The following ZNF273 variants were observed in gnomAD, a reference collection of about 807,000 sequenced individuals.
ZNF273 encodes the protein zinc finger protein 273.
A neutral mutation model predicts 14.9 loss-of-function variants in ZNF273; 11 were observed. That is an observed-to-expected ratio of 0.74 (90% confidence interval 0.46 to 1.22). ZNF273 has a LOEUF of 1.22. Ranked by LOEUF, ZNF273 falls within the 50% of genes most tolerant of loss-of-function variation. The pLI is 0.00. For synonymous variants in ZNF273, 199 were observed against 223.9 expected, an observed-to-expected ratio of 0.89 and a Z score of 0.99; for missense variants, 577 against 660.6, an observed-to-expected ratio of 0.87 and a Z score of 1.39.
intron 1 of ZNF273, among the ~76,000 whole-genome samples, chr7:64,909,197 G>A (rs1303822787): frequency 2.0e-5 from 3 of 151,502 alleles, no homozygotes; most frequent in East Asian, 1.9e-4. Flanking sequence ...GATTACAGGC[G>A]TGAGCCACTG....
chr7:64,935,897 A>G (rs1473546473), downstream of ZNF273, among the ~76,000 whole-genome samples: 1 of 152,242 alleles, frequency 6.6e-6, no homozygotes, highest in South Asian at 2.1e-4. Flanking sequence ...TTAATCAAAA[A>G]TTGATAAAAA....
chr7:64,902,065 T>C (rs993083709), upstream of ZNF273, among the ~76,000 whole-genome samples: 9 of 148,562 alleles, frequency 6.1e-5, no homozygotes, highest in African/African-American at 2.2e-4. Context: ...TTTTATATTA[T>C]TATATACAAT....
upstream of ZNF273, among the ~76,000 whole-genome samples, chr7:64,902,774 C>A (rs1252377187): frequency 1.3e-5 from 2 of 152,192 alleles, no homozygotes; most frequent in East Asian, 3.9e-4. Flanking sequence ...CTTCCAGGTC[C>A]TAGGTAGATA....
chr7:64,889,314 A>C (rs2129040570), downstream of ZNF273: 2 of 964,138 alleles, frequency 2.1e-6, no homozygotes, highest in South Asian at 9.6e-5. The surrounding 1 kb of genome is among the most constrained non-coding windows in gnomAD (Gnocchi z 4.2). Context: ...CCGGTGCCTG[A>C]GCCGTACCCA....
chr7:64,905,583 A>G (rs1793053489), intron 1 of ZNF273, among the ~76,000 whole-genome samples: 1 of 151,680 alleles, frequency 6.6e-6, no homozygotes, highest in Non-Finnish European at 1.5e-5. Context: ...TTCTCTTAAC[A>G]TTTGTGAAAG....
downstream of ZNF273, among the ~76,000 whole-genome samples, chr7:64,935,183 CTTTTCTATACCTAAGAG>C (rs1485730908): frequency 1.3e-5 from 2 of 152,236 alleles, no homozygotes; most frequent in Admixed American, 1.3e-4. Flanking sequence ...AAGTCTTAGG[CTTTTCTATACCTAAGAG>C]TATGTCATCT....
Position 64,927,858 on chromosome 7 carries a change from T to C in ZNF273, c.530T>C (p.Ile177Thr), listed in dbSNP as rs1188941365. 1 of 1,613,850 alleles carries C rather than the reference T, an allele frequency of 6.2e-7. No homozygotes were observed. The highest frequency in any genetic ancestry group is 1.3e-5 in the African/African-American group (1 of 74,920). ...NQCLTTTQSK[I>T]FQCDKYVKVL... ...TGTTTGACAACTACCCAGAGCAAAATATTTCAATGTGATAAATATGTTAAA... is the reference window on the plus strand; with the variant it reads ...TGTTTGACAACTACCCAGAGCAAAACATTTCAATGTGATAAATATGTTAAA... The change falls in exon 4 of 4, where the codon ATA becomes ACA. Residue 177 changes from isoleucine to threonine, a missense_variant. This residue lies in a region of ZNF273 where 4 missense variants were observed against 16.6 expected (regional missense o/e 0.24). Coordinates refer to ENST00000476120, the MANE Select transcript of ZNF273 (RefSeq NM_021148.3).
At chr7:64,902,772 TC>T (rs1792811723), upstream of ZNF273, among the ~76,000 whole-genome samples, 2 of 152,110 alleles carry the variant, frequency 1.3e-5, no homozygotes, top group Non-Finnish European at 2.9e-5. Context: ...GGCTTCCAGG[TC>T]CTAGGTAGAT....
chr7:64,901,007 T>TTTATTTA (rs201414657), upstream of ZNF273, among the ~76,000 whole-genome samples: 1 of 78,630 alleles, frequency 1.3e-5, no homozygotes. Flanking sequence ...CCTTTATTTA[T>TTTATTTA]TTTTTTTTTT....
intron 1 of ZNF273, among the ~76,000 whole-genome samples, chr7:64,904,755 A>G (rs377332249): frequency 9.2e-5 from 14 of 152,232 alleles, no homozygotes; most frequent in Non-Finnish European, 1.2e-4. Flanking sequence ...TTCCCAGGAG[A>G]AGAAAGCAAA....
intron 3 of ZNF273, among the ~76,000 whole-genome samples, chr7:64,926,515 T>A (rs1794772549): frequency 6.6e-6 from 1 of 152,164 alleles, no homozygotes; most frequent in Non-Finnish European, 1.5e-5. Flanking sequence ...TGTGTTCCTA[T>A]TTAATTCATT....
intron 1 of ZNF273, among the ~76,000 whole-genome samples, chr7:64,912,930 G>A (rs1484716364): frequency 1.4e-5 from 2 of 146,608 alleles, no homozygotes; most frequent in African/African-American, 2.5e-5. Flanking sequence ...TTGGGTTCAA[G>A]TGATTCTCTT....
chr7:64,912,826 G>GTTTTTTTTTGTTGTTGTTTTTTTTTTT (rs1793639044), intron 1 of ZNF273, among the ~76,000 whole-genome samples: 1 of 36,568 alleles, frequency 2.7e-5, no homozygotes, highest in Non-Finnish European at 5.7e-5. Context: ...ATTCATTTTA[G>GTTTTTTTTTGTTGTTGTTTTTTTTTTT]TTTTTTTTTT....
Position 64,928,254 on chromosome 7 carries a change from A to G in ZNF273, c.926A>G (p.Lys309Arg), listed in dbSNP as rs1452734547. The change falls in exon 4 of 4, where the codon AAG becomes AGG. Residue 309 changes from lysine to arginine, a missense_variant. Around this residue, in one of 3 missense-constraint regions of ZNF273, gnomAD observed 411 missense variants for 440.4 expected, o/e 0.93. Coordinates refer to ENST00000476120, the MANE Select transcript of ZNF273 (RefSeq NM_021148.3). The part of the protein sequence containing the change: ...FSVFSVLTKH[K>R]IIHTGTKPYN... ...GTATTTTCAGTCCTTACTAAACATA[A>G]GATAATTCATACAGGAACAAAACCC... The G allele has an allele frequency of 6.8e-6, 11 of 1,612,942 alleles. No homozygotes were observed. The highest frequency in any genetic ancestry group is 1.3e-5 in the African/African-American group (1 of 74,930).
intron 1 of ZNF273, among the ~76,000 whole-genome samples, chr7:64,905,847 T>A (rs1793081095): frequency 6.6e-6 from 1 of 152,216 alleles, no homozygotes; most frequent in African/African-American, 2.4e-5. Flanking sequence ...AAAGATTTCT[T>A]CACTTTTTTT....
At chr7:64,904,853 G>GT (rs1792979726) in intron 1 of ZNF273, among the ~76,000 whole-genome samples, 1 of 152,100 alleles carries the variant, frequency 6.6e-6, no homozygotes, top group Admixed American at 6.5e-5. Context: ...TTACCAAAAT[G>GT]TTTTTGGGTC....
At chr7:64,921,605 CTTTTTT>C (rs752363426) in intron 3 of ZNF273, among the ~76,000 whole-genome samples, 7 of 57,968 alleles carry the variant, frequency 1.2e-4, no homozygotes, top group Non-Finnish European at 1.6e-4. Context: ...CATGCTAATG[CTTTTTT>C]TTTTTTTTTT....
intron 3 of ZNF273, among the ~76,000 whole-genome samples, chr7:64,895,969 A>C (rs6976546): frequency 0.083 from 12,652 of 152,246 alleles, 670 homozygotes; most frequent in South Asian, 0.18. Flanking sequence ...TTGAACTTTC[A>C]GTATGAAAAA....
chr7:64,881,040 G>A (rs940725298), downstream of ZNF273, among the ~76,000 whole-genome samples: 15 of 152,176 alleles, frequency 9.9e-5, no homozygotes, highest in East Asian at 3.9e-4. Context: ...TGCTAAACAG[G>A]TGCGGACAGA....
Sources: allele counts gnomAD v4.1 joint callset (sites outside exome capture counted in the v4.1 genomes callset), GRCh38; gene constraint gnomAD v4.1.1; regional missense constraint gnomAD v4.1.1; non-coding constraint Gnocchi (gnomAD v3.1); transcripts MANE v1.5; gene names NCBI Gene and HGNC (gene_info 2026-07-23, HGNC 2026-07-21).